Variants in PTK7 observed in about 807,000 individuals in gnomAD.
PTK7 encodes inactive tyrosine-protein kinase 7.
Under a neutral mutation model 116.6 loss-of-function variants are expected in PTK7, and 39 were observed. The observed-to-expected ratio is 0.33, with a 90% CI of 0.26 to 0.44. The LOEUF (loss-of-function observed/expected upper bound fraction) is 0.44. Ranked by LOEUF, PTK7 falls within the 20% of genes least tolerant of loss-of-function variation. The pLI is 1.00. For synonymous variants in PTK7, 546 were observed against 563.6 expected (o/e 0.97, Z 0.44); for missense variants, 1,169 against 1,425.6 (o/e 0.82, Z 2.90).
At position 43,143,681 on chromosome 6, in the gene PTK7, C is replaced by A; in HGVS notation, c.2251+61C>A. ...GCGGGAGCTGAGCGCCCTCCCGCGG[C>A]CACGGAGGGGAGAGCGCCAGCACTC... On this transcript the variant is annotated intron_variant, in intron 14 of 19. Coordinates refer to ENST00000230419, the MANE Select transcript of PTK7 (RefSeq NM_002821.5). The surrounding 1 kb of genome is among the most constrained non-coding windows in gnomAD (Gnocchi z 4.2). 1.9e-6 allele frequency: 3 copies of A among 1,541,390 alleles called. No homozygotes were observed. The highest frequency in any genetic ancestry group is 2.6e-6 in the Non-Finnish European group (3 of 1,140,444).
At chr6:43,128,163 T>C (rs1769413440) in intron 1 of PTK7, among the ~76,000 whole-genome samples, 1 of 152,120 alleles carries the variant, frequency 6.6e-6, no homozygotes, top group South Asian at 2.1e-4. Context: ...AGGGTGCTGT[T>C]TGGGTCATGA....
intron 1 of PTK7, among the ~76,000 whole-genome samples, chr6:43,086,453 G>T (rs142650704): frequency 6.6e-6 from 1 of 151,370 alleles, no homozygotes; most frequent in Non-Finnish European, 1.5e-5. Context: ...GGGTGGTGGC[G>T]GGGCAATGAG....
In PTK7 at chr6:43,141,469, A is replaced by G. The variant is rs945277793; in HGVS notation, c.1619-199A>G. Among the ~76,000 whole-genome samples, 2 of 152,114 alleles carry G rather than the reference A, an allele frequency of 1.3e-5. No individual in the cohort carries two copies. The highest frequency in any genetic ancestry group is 2.4e-5 in the African/African-American group (1 of 41,416). On this transcript the variant is annotated intron_variant, in intron 10 of 19. Transcript: ENST00000230419. This position sits in a 1 kb window ranked among gnomAD's most constrained non-coding sequence, Gnocchi z 4.9. ...GTGGAATGTCACACAGGGCAGTAGGAGGAAGAGGTGAGACTGAAGAATTGG... is the reference window on the plus strand; with the variant it reads ...GTGGAATGTCACACAGGGCAGTAGGGGGAAGAGGTGAGACTGAAGAATTGG...
Position 43,154,162 on chromosome 6 carries a change from C to CTAAATAAATAAATAAA in PTK7, c.2722-4642_2722-4627dup, listed in dbSNP as rs371217159. Among the ~76,000 whole-genome samples the CTAAATAAATAAATAAA allele has an allele frequency of 4.2e-3, 627 of 150,040 alleles. 4 individuals carry two copies. Among genetic ancestry groups the CTAAATAAATAAATAAA allele is most frequent in the African/African-American group, 0.012 (495 of 40,562 alleles). ...TGGGTGACAGAGCAAGACTCAGTCT[C>CTAAATAAATAAATAAA]TAAATAAATAAATAAATAAATAAAT... is the stretch of plus-strand genomic sequence containing the variant. On this transcript the variant is annotated intron_variant, in intron 17 of 19. Transcript: ENST00000230419.
At chr6:43,131,074 C>T (rs947665331) in intron 5 of PTK7, among the ~76,000 whole-genome samples, 1 of 147,192 alleles carries the variant, frequency 6.8e-6, no homozygotes, top group South Asian at 2.1e-4. Context: ...CACACACACA[C>T]ACACTTTTTA....
rs559481760 is a variant in PTK7, at chr6:43,141,075, A to G, written c.1619-593A>G. ...TTCATTGCTGCAATAAACATCTTTA[A>G]GCCAAAGTTTTTTTCTGGATTTAGG... On this transcript the variant is annotated intron_variant, in intron 10 of 19. Transcript: ENST00000230419. This position sits in a 1 kb window ranked among gnomAD's most constrained non-coding sequence, Gnocchi z 4.9. Among the ~76,000 whole-genome samples, 1 of 152,216 alleles carries G rather than the reference A, an allele frequency of 6.6e-6. No individual in the cohort carries two copies. Among genetic ancestry groups the G allele is most frequent in the African/African-American group, 2.4e-5 (1 of 41,528 alleles).
At chr6:43,115,647 C>T (rs779626710) in intron 1 of PTK7, among the ~76,000 whole-genome samples, 1 of 151,948 alleles carries the variant, frequency 6.6e-6, no homozygotes, top group East Asian at 1.9e-4. Context: ...CAGAAAGGGG[C>T]AGTGGGGGCT....
At chr6:43,088,690 A>AAAATAAATAAAT (rs57382055) in intron 1 of PTK7, among the ~76,000 whole-genome samples, 70 of 149,236 alleles carry the variant, frequency 4.7e-4, no homozygotes, top group Middle Eastern at 3.4e-3. Flanking sequence ...ACGCCATCTC[A>AAAATAAATAAAT]AAATAAATAA....
chr6:43,081,339 A>G (rs1440676333), intron 1 of PTK7, among the ~76,000 whole-genome samples: 4 of 152,120 alleles, frequency 2.6e-5, no homozygotes, highest in African/African-American at 4.8e-5. Flanking sequence ...GGGCTCTCCC[A>G]TAGAGTTTAG....
At chr6:43,116,996 G>C (rs1452532492) in intron 1 of PTK7, among the ~76,000 whole-genome samples, 3 of 151,894 alleles carry the variant, frequency 2.0e-5, no homozygotes, top group African/African-American at 7.3e-5. Context: ...GCTAATTTTT[G>C]TATTTTTAAT....
intron 18 of PTK7, 89 bp from the exon 19 acceptor site, chr6:43,159,699 T>A (rs1190746746): frequency 4.3e-6 from 6 of 1,385,472 alleles, no homozygotes; most frequent in Non-Finnish European, 6.1e-6. Context: ...GCCCCCGGCT[T>A]GGGGATGCGT....
At chr6:43,147,400 T>A (rs903175373) in intron 17 of PTK7, among the ~76,000 whole-genome samples, 1 of 152,206 alleles carries the variant, frequency 6.6e-6, no homozygotes, top group African/African-American at 2.4e-5. Context: ...GCCCGGCCCC[T>A]TCTTCCTTCC....
chr6:43,090,415 A>C (rs983990390), intron 1 of PTK7, among the ~76,000 whole-genome samples: 1 of 152,178 alleles, frequency 6.6e-6, no homozygotes, highest in African/African-American at 2.4e-5. Flanking sequence ...TGCAAATTTG[A>C]AACAAATGCC....
chr6:43,100,940 GA>G (rs1441728776), intron 1 of PTK7, among the ~76,000 whole-genome samples: 1 of 152,202 alleles, frequency 6.6e-6, no homozygotes, highest in Non-Finnish European at 1.5e-5. Context: ...ACGATTGAAA[GA>G]TAGTTGTATC....
intron 1 of PTK7, among the ~76,000 whole-genome samples, chr6:43,077,239 A>T (rs930048556): frequency 5.3e-5 from 8 of 152,246 alleles, no homozygotes; most frequent in African/African-American, 1.9e-4. Flanking sequence ...CGGGGATCCG[A>T]GGGTCCCAGG....
In PTK7 at chr6:43,076,493, G is replaced by T; in HGVS notation, c.5G>T (p.Gly2Val). 6.4e-7 allele frequency: 1 copy of T among 1,569,220 alleles called. No individual in the cohort carries two copies. Among genetic ancestry groups the T allele is most frequent in the Non-Finnish European group, 8.6e-7 (1 of 1,163,152 alleles). The change falls in exon 1 of 20, where the codon GGA becomes GTA. Residue 2 changes from glycine (G) to valine (V), a missense_variant. This residue lies in a region of PTK7 where 487 missense variants were observed against 549.8 expected (regional missense o/e 0.89). Transcript: ENST00000230419. The surrounding 1 kb of genome is among the most constrained non-coding windows in gnomAD (Gnocchi z 5.7). M[G>V]AARGSPARPR... ...CCTTTTCCTGAGCCCGCCGCGATGG[G>T]AGCTGCGCGGGGATCCCCGGCCAGA...
At position 43,141,946 on chromosome 6, in the gene PTK7, A is replaced by G. The variant is rs1304319713; in HGVS notation, c.1784A>G (p.Lys595Arg). The change falls in exon 12 of 20, where the codon AAA becomes AGA. Residue 595 changes from lysine (K) to arginine (R), a missense_variant. This residue lies in a region of PTK7 where 678 missense variants were observed against 853.8 expected (regional missense o/e 0.79). Transcript: ENST00000230419. This position sits in a 1 kb window ranked among gnomAD's most constrained non-coding sequence, Gnocchi z 4.9. ...TTTCTTCCAGTTTTTATCACCTTCA[A>G]AGTGGAACCAGAGCGTACGACTGTG... Reference protein sequence around the residue: ...QLTVAVFITFKVEPERTTVYQ... With the variant: ...QLTVAVFITFRVEPERTTVYQ... The G allele has an allele frequency of 2.5e-6, 4 of 1,606,034 alleles. No homozygotes were observed. Among genetic ancestry groups the G allele is most frequent in the East Asian group, 4.5e-5 (2 of 44,662 alleles).
At chr6:43,111,527 A>G (rs1023400055) in intron 1 of PTK7, among the ~76,000 whole-genome samples, 9 of 152,260 alleles carry the variant, frequency 5.9e-5, no homozygotes, top group Non-Finnish European at 1.3e-4. Flanking sequence ...TATAATGATG[A>G]CAATAAATAA....
At chr6:43,148,207 T>G (rs1191833828) in intron 17 of PTK7, among the ~76,000 whole-genome samples, 5 of 149,966 alleles carry the variant, frequency 3.3e-5, no homozygotes, top group Admixed American at 3.3e-4. Flanking sequence ...GAGCCATGAT[T>G]ACACCACTGC....
Sources: allele counts gnomAD v4.1 joint callset (sites outside exome capture counted in the v4.1 genomes callset), GRCh38; gene constraint gnomAD v4.1.1; regional missense constraint gnomAD v4.1.1; non-coding constraint Gnocchi (gnomAD v3.1); transcripts MANE v1.5; gene names NCBI Gene and HGNC (gene_info 2026-07-23, HGNC 2026-07-21).